Variants in MRAP2 observed in about 807,000 individuals in gnomAD.
MRAP2 encodes the protein melanocortin 2 receptor accessory protein 2, also known as melanocortin-2 receptor accessory protein 2.
A neutral mutation model predicts 17.4 loss-of-function variants in MRAP2; 20 were observed. The observed-to-expected ratio is 1.15, with a 90% CI of 0.81 to 1.67. The LOEUF (loss-of-function observed/expected upper bound fraction) is 1.67. Ranked by LOEUF, MRAP2 falls within the 40% of genes most tolerant of loss-of-function variation. The pLI, the probability that MRAP2 is intolerant of heterozygous loss-of-function variation, is 0.00. For synonymous variants in MRAP2, 96 were observed against 88.4 expected, an observed-to-expected ratio of 1.09 and a Z score of -0.48; for missense variants, 238 against 240.0, an observed-to-expected ratio of 0.99 and a Z score of 0.05.
At chr6:84,047,063 C>G (rs1367663174) in intron 1 of MRAP2, among the ~76,000 whole-genome samples, 2 of 152,246 alleles carry the variant, frequency 1.3e-5, no homozygotes, top group South Asian at 2.1e-4. Context: ...TCAGATGTCT[C>G]AGCACCCTGT....
chr6:84,063,071 G>C (rs41271593), intron 3 of MRAP2, 79 bp downstream of exon 3: 55 of 1,592,890 alleles, frequency 3.5e-5, no homozygotes, highest in Admixed American at 2.4e-4. Context: ...CAGGGCCGGA[G>C]GTGCTTCCCG....
intron 3 of MRAP2, among the ~76,000 whole-genome samples, chr6:84,073,867 T>C (rs1243240950): frequency 6.7e-6 from 1 of 148,876 alleles, no homozygotes; most frequent in Non-Finnish European, 1.5e-5. Context: ...CATTATGAGA[T>C]ATTTGTGTGT....
chr6:84,108,369 T>G, the MRAP2 span, among the ~76,000 whole-genome samples: 2 of 152,188 alleles, frequency 1.3e-5, no homozygotes, highest in African/African-American at 2.4e-5. Context: ...ATAGTAGCCA[T>G]TCTAACTGGT....
the MRAP2 span, among the ~76,000 whole-genome samples, chr6:84,128,007 C>CT: frequency 6.6e-6 from 1 of 152,226 alleles, no homozygotes; most frequent in South Asian, 2.1e-4. Context: ...TTTATTAAGC[C>CT]TTATATATGT....
At chr6:84,115,764 C>T in the MRAP2 span, among the ~76,000 whole-genome samples, 2 of 152,196 alleles carry the variant, frequency 1.3e-5, no homozygotes, top group African/African-American at 4.8e-5. Flanking sequence ...GGGAAAAGTA[C>T]AACATCTGGG....
intron 3 of MRAP2, among the ~76,000 whole-genome samples, chr6:84,079,044 C>G (rs945803252): frequency 2.6e-5 from 4 of 152,296 alleles, no homozygotes; most frequent in Admixed American, 2.0e-4. Flanking sequence ...CTACATGACT[C>G]AATTCTATTC....
chr6:84,137,704 T>A, the MRAP2 span, among the ~76,000 whole-genome samples: 1 of 152,088 alleles, frequency 6.6e-6, no homozygotes, highest in African/African-American at 2.4e-5. Context: ...TGTGAAGAAA[T>A]AAATGAACTG....
intron 3 of MRAP2, among the ~76,000 whole-genome samples, chr6:84,083,690 A>T (rs2099499567): frequency 6.6e-6 from 1 of 152,206 alleles, no homozygotes; most frequent in Admixed American, 6.5e-5. Context: ...TATTTAAGTA[A>T]TGTGAACTAA....
chr6:84,046,510 G>A (rs960379731), intron 1 of MRAP2, among the ~76,000 whole-genome samples: 2 of 151,950 alleles, frequency 1.3e-5, no homozygotes, highest in Admixed American at 1.3e-4. Flanking sequence ...GGCTGGGTGC[G>A]GTGGCTCATG....
At chr6:84,051,875 C>CCTGCTCA (rs1208879729) in intron 1 of MRAP2, among the ~76,000 whole-genome samples, 1 of 152,104 alleles carries the variant, frequency 6.6e-6, no homozygotes, top group African/African-American at 2.4e-5. Flanking sequence ...GGTGTCTGGG[C>CCTGCTCA]CTGCTCACCA....
intron 2 of MRAP2, among the ~76,000 whole-genome samples, chr6:84,057,823 G>A (rs1341701187): frequency 6.6e-6 from 1 of 152,210 alleles, no homozygotes; most frequent in African/African-American, 2.4e-5. Flanking sequence ...GTAAAGGGAT[G>A]TGGAGTGTGG....
chr6:84,136,625 C>T, the MRAP2 span, among the ~76,000 whole-genome samples: 1 of 152,226 alleles, frequency 6.6e-6, no homozygotes, highest in East Asian at 1.9e-4. Flanking sequence ...TTAGAATGTT[C>T]CTTGACAGCA....
chr6:84,106,436 A>T, the MRAP2 span, among the ~76,000 whole-genome samples: 2 of 152,200 alleles, frequency 1.3e-5, no homozygotes, highest in African/African-American at 4.8e-5. Flanking sequence ...GCTGACTGAT[A>T]ACCCCTGAGG....
At position 84,088,863 on chromosome 6, in the gene MRAP2, G is replaced by A. The variant is rs2497131; in HGVS notation, c.228-228G>A. On this transcript the variant is annotated intron_variant, in intron 3 of 3. Coordinates refer to ENST00000257776, the MANE Select transcript of MRAP2 (RefSeq NM_138409.4). ...ATTCCTCAGCAAGGTGTCTGTTTTC[G>A]GGATGATCTGGGGGCCCTCATCTTG... 0.2 allele frequency among the ~76,000 whole-genome samples: 30,349 copies of A among 152,094 alleles called. 6,235 individuals carry two copies. The highest frequency in any genetic ancestry group is 0.53 in the African/African-American group (21,790 of 41,420).
chr6:84,129,970 T>G, the MRAP2 span, among the ~76,000 whole-genome samples: 1 of 152,200 alleles, frequency 6.6e-6, no homozygotes, highest in Non-Finnish European at 1.5e-5. Flanking sequence ...TTCCAGTTTT[T>G]GCCCATTCAG....
the MRAP2 span, among the ~76,000 whole-genome samples, chr6:84,144,144 G>C: frequency 6.6e-6 from 1 of 151,908 alleles, no homozygotes; most frequent in Non-Finnish European, 1.5e-5. Context: ...GAGGGCCCTG[G>C]AAAATCTCAA....
chr6:84,093,239 GAGAA>G (rs1255843160), downstream of MRAP2, among the ~76,000 whole-genome samples: 3 of 149,418 alleles, frequency 2.0e-5, no homozygotes, highest in African/African-American at 7.6e-5. Context: ...TAGGAGCAAA[GAGAA>G]AGAGAGAGAA....
At chr6:84,065,003 A>G (rs944799902) in intron 3 of MRAP2, among the ~76,000 whole-genome samples, 5 of 152,188 alleles carry the variant, frequency 3.3e-5, no homozygotes, top group African/African-American at 4.8e-5. Flanking sequence ...ATGTAAACAC[A>G]GCCAGGCACG....
At chr6:84,039,936 T>C (rs1434165848) in intron 1 of MRAP2, among the ~76,000 whole-genome samples, 1 of 152,160 alleles carries the variant, frequency 6.6e-6, no homozygotes, top group Non-Finnish European at 1.5e-5. Flanking sequence ...TTCTATCTTC[T>C]GTGGGGAAAA....
Sources: allele counts gnomAD v4.1 joint callset (sites outside exome capture counted in the v4.1 genomes callset), GRCh38; gene constraint gnomAD v4.1.1; transcripts MANE v1.5; gene names NCBI Gene and HGNC (gene_info 2026-07-23, HGNC 2026-07-21).